Variants in SLC25A16 observed in about 807,000 individuals in gnomAD.
The protein encoded by SLC25A16 is mitochondrial coenzyme A transporter SLC25A16.
SLC25A16 carries 39 observed loss-of-function variants against 41.5 expected under a neutral mutation model. The observed-to-expected ratio is 0.94, with a 90% confidence interval of 0.73 to 1.23. The LOEUF (loss-of-function observed/expected upper bound fraction) is 1.23. Ranked by LOEUF, SLC25A16 falls within the 50% of genes most tolerant of loss-of-function variation. SLC25A16 has a pLI of 0.00. For missense variants in SLC25A16, 421 were observed against 426.9 expected, an observed-to-expected ratio of 0.99 and a Z score of 0.12; for synonymous variants, 146 against 147.8, an observed-to-expected ratio of 0.99 and a Z score of 0.09.
chr10:68,524,085 CG>C (rs1435109788), intron 1 of SLC25A16, among the ~76,000 whole-genome samples: 1 of 151,710 alleles, frequency 6.6e-6, no homozygotes, highest in African/African-American at 2.4e-5. Flanking sequence ...TCAAGGCGGG[CG>C]GATCACGAGG....
Position 68,527,405 on chromosome 10 carries a change from T to G in SLC25A16, c.-30A>C, listed in dbSNP as rs1338799540. The G allele has an allele frequency of 5.5e-6, 8 of 1,449,252 alleles. No homozygotes were observed. The South Asian group carries it at 1.1e-4, about 21-fold the overall frequency. The allele number at this position is 1,449,252 out of a possible 1,614,324, so 89.8% of individuals were successfully genotyped here. A position where few individuals can be genotyped will look rare whatever the true frequency, so the allele number is the denominator to read the frequency against. On this transcript the variant is annotated 5_prime_UTR_variant, in exon 1 of 9. Coordinates refer to ENST00000609923, the MANE Select transcript of SLC25A16 (RefSeq NM_152707.4). ...ACCAGGGTCGCGTCAGGAGCCTAGG[T>G]TGCCAACTTACAGAACACCGGACGG...
At chr10:68,519,395 A>C (rs1372409890) in intron 1 of SLC25A16, among the ~76,000 whole-genome samples, 1 of 151,546 alleles carries the variant, frequency 6.6e-6, no homozygotes, top group African/African-American at 2.4e-5. Context: ...GCTGAGGCAG[A>C]GAATTGCCTG....
intron 2 of SLC25A16, among the ~76,000 whole-genome samples, chr10:68,508,880 G>A (rs1590115492): frequency 6.6e-6 from 1 of 152,254 alleles, no homozygotes; most frequent in East Asian, 1.9e-4. Context: ...TAAGGTAGAA[G>A]TATCGAGGGG....
At chr10:68,493,101 A>G (rs756799631) in intron 6 of SLC25A16, 31 bp downstream of exon 6, 33 of 1,291,710 alleles carry the variant, frequency 2.6e-5, no homozygotes, top group Middle Eastern at 1.9e-4. Flanking sequence ...TTAAACATGC[A>G]TATTAGGATT....
At chr10:68,496,205 G>A (rs147709743) in intron 4 of SLC25A16, among the ~76,000 whole-genome samples, 100 of 152,280 alleles carry the variant, frequency 6.6e-4, no homozygotes, top group African/African-American at 2.2e-3. Flanking sequence ...AATTACTGAA[G>A]AGGAATATGT....
chr10:68,517,403 C>A, intron 1 of SLC25A16: 1 of 238,828 alleles, frequency 4.2e-6, no homozygotes, highest in Non-Finnish European at 6.8e-6. Flanking sequence ...AAAGTGCATA[C>A]ATGGGCTTTA....
intron 1 of SLC25A16, among the ~76,000 whole-genome samples, chr10:68,522,574 C>G (rs929387276): frequency 6.6e-6 from 1 of 151,864 alleles, no homozygotes; most frequent in South Asian, 2.1e-4. Flanking sequence ...CCAGCACTTT[C>G]GGAGGCCGAG....
intron 2 of SLC25A16, among the ~76,000 whole-genome samples, chr10:68,516,154 T>C (rs1220798819): frequency 6.6e-6 from 1 of 152,180 alleles, no homozygotes; most frequent in African/African-American, 2.4e-5. Context: ...CAAGGTCATT[T>C]TTATTTTTTG....
At chr10:68,527,185 T>C (rs2053350459) in intron 1 of SLC25A16, 61 bp downstream of exon 1, 2 of 1,513,534 alleles carry the variant, frequency 1.3e-6, no homozygotes, top group African/African-American at 1.4e-5. Context: ...TGCATCCCAC[T>C]TGCCCACAGT....
intron 4 of SLC25A16, chr10:68,496,899 C>A (rs2052757876): frequency 1.3e-5 from 2 of 158,864 alleles, no homozygotes; most frequent in South Asian, 4.0e-4. Flanking sequence ...CAGCCTCAAA[C>A]TCCTGGGCTC....
At chr10:68,502,720 C>G (rs2052869566) in intron 4 of SLC25A16, among the ~76,000 whole-genome samples, 1 of 132,120 alleles carries the variant, frequency 7.6e-6, no homozygotes, top group Non-Finnish European at 1.6e-5. Flanking sequence ...GAGACAGACC[C>G]AGACCCTGTC....
intron 6 of SLC25A16, among the ~76,000 whole-genome samples, chr10:68,489,127 G>A (rs531824520): frequency 6.6e-6 from 1 of 152,254 alleles, no homozygotes; most frequent in Non-Finnish European, 1.5e-5. Flanking sequence ...AAATTAGTCG[G>A]GTGTGGTGGC....
intron 2 of SLC25A16, among the ~76,000 whole-genome samples, chr10:68,512,638 CAAAAAAAAAAAAA>C (rs1163431016): frequency 5.8e-5 from 1 of 17,148 alleles, no homozygotes; most frequent in East Asian, 1.8e-3. Flanking sequence ...GACTCCGTCT[CAAAAAAAAAAAAA>C]AAAAAAAAAA....
chr10:68,524,551 A>G (rs1418971540), intron 1 of SLC25A16, among the ~76,000 whole-genome samples: 2 of 149,890 alleles, frequency 1.3e-5, no homozygotes, highest in Non-Finnish European at 3.0e-5. Context: ...AAATAAATAA[A>G]TAAATAAATT....
intron 6 of SLC25A16, among the ~76,000 whole-genome samples, chr10:68,489,455 T>C (rs768064810): frequency 6.6e-6 from 1 of 152,200 alleles, no homozygotes; most frequent in Non-Finnish European, 1.5e-5. Flanking sequence ...ATAAAAATAG[T>C]ATGCAGGTAG....
In SLC25A16 at chr10:68,480,184, G is replaced by A. The variant is rs2052469080; in HGVS notation, c.*3248C>T. The A allele has an allele frequency of 6.6e-6, 1 of 152,074 alleles. No individual in the cohort carries two copies. The highest frequency in any genetic ancestry group is 2.1e-4 in the South Asian group (1 of 4,824). The allele number at this position is 152,074 out of a possible 1,614,324, so 9.4% of individuals were successfully genotyped here. A position where few individuals can be genotyped will look rare whatever the true frequency, so the allele number is the denominator to read the frequency against. Reference sequence around the variant, plus strand: ...GCTATACCCACTGAGAGGTGGAAGAGAGGAACAATAAAGATCAAAAAAGAA... The same window carrying A: ...GCTATACCCACTGAGAGGTGGAAGAAAGGAACAATAAAGATCAAAAAAGAA... On this transcript the variant is annotated 3_prime_UTR_variant, in exon 9 of 9. Transcript: ENST00000609923.
chr10:68,523,246 C>T (rs892081829), intron 1 of SLC25A16, among the ~76,000 whole-genome samples: 5 of 151,908 alleles, frequency 3.3e-5, no homozygotes, highest in African/African-American at 1.2e-4. Flanking sequence ...GTGGGCGCCA[C>T]CATGCCCAGC....
intron 6 of SLC25A16, among the ~76,000 whole-genome samples, chr10:68,491,823 T>TTGAC (rs1388955919): frequency 6.6e-6 from 1 of 152,092 alleles, no homozygotes; most frequent in Non-Finnish European, 1.5e-5. Context: ...GCTTGATTGA[T>TTGAC]TGATTGATTG....
In SLC25A16 at chr10:68,479,577, G is replaced by C. The variant is rs1564904764; in HGVS notation, c.*3855C>G. 1 of 152,188 alleles carries C rather than the reference G, an allele frequency of 6.6e-6. No homozygotes were observed. The highest frequency in any genetic ancestry group is 6.6e-5 in the Admixed American group (1 of 15,250). 9.4% of individuals were successfully genotyped at this position (152,188 alleles called of 1,614,324 possible). A position where few individuals can be genotyped will look rare whatever the true frequency, so the allele number is the denominator to read the frequency against. On this transcript the variant is annotated 3_prime_UTR_variant, in exon 9 of 9. Coordinates refer to ENST00000609923, the MANE Select transcript of SLC25A16 (RefSeq NM_152707.4). ...TCCCAGCATTTTGGGAAGTCGGGGG[G>C]GCAGATCACTTGAGGTCAGGTATTC...
Sources: gnomAD v4.1 joint callset for allele counts (sites outside exome capture counted in the v4.1 genomes callset) on GRCh38, gnomAD v4.1.1 for gene constraint, MANE v1.5 for transcripts, NCBI Gene and HGNC (gene_info 2026-07-23, HGNC 2026-07-21) for gene names.